The following LRRC4C variants were observed in gnomAD, a reference collection of about 807,000 sequenced individuals.
LRRC4C encodes leucine rich repeat containing 4C, also known as leucine-rich repeat-containing protein 4C.
A neutral mutation model predicts 33.6 loss-of-function variants in LRRC4C; 5 were observed. That is an observed-to-expected ratio of 0.15 (90% confidence interval 0.08 to 0.31). The LOEUF (loss-of-function observed/expected upper bound fraction) is 0.31. Ranked by LOEUF, LRRC4C falls within the 10% of genes least tolerant of loss-of-function variation. The pLI is 1.00. For missense variants in LRRC4C, 560 were observed against 796.7 expected (o/e 0.70, Z 3.58); for synonymous variants, 329 against 302.0 (o/e 1.09, Z -0.93).
At chr11:40,590,944 CT>C (rs1565537090) in intron 3 of LRRC4C, among the ~76,000 whole-genome samples, 1 of 152,134 alleles carries the variant, frequency 6.6e-6, no homozygotes, top group African/African-American at 2.4e-5. Context: ...TGTCTGTGCC[CT>C]GCCCCCAGAG....
chr11:40,219,331 C>T (rs1329812147), intron 5 of LRRC4C, among the ~76,000 whole-genome samples: 2 of 152,188 alleles, frequency 1.3e-5, no homozygotes, highest in Non-Finnish European at 2.9e-5. Context: ...CTGTTCTTGA[C>T]ACGTATACAC....
intron 1 of LRRC4C, among the ~76,000 whole-genome samples, chr11:40,957,364 A>G (rs1027549493): frequency 1.3e-5 from 2 of 151,696 alleles, no homozygotes; most frequent in South Asian, 4.2e-4. Flanking sequence ...GAGGAAGATG[A>G]GATCCAACTC....
At chr11:40,738,180 G>A (rs1378748245) in intron 2 of LRRC4C, among the ~76,000 whole-genome samples, 1 of 152,006 alleles carries the variant, frequency 6.6e-6, no homozygotes, top group African/African-American at 2.4e-5. Context: ...ACAGAAAACT[G>A]AAACTGGACC....
At chr11:41,091,105 A>G (rs1940385049) in intron 1 of LRRC4C, among the ~76,000 whole-genome samples, 1 of 152,104 alleles carries the variant, frequency 6.6e-6, no homozygotes, top group African/African-American at 2.4e-5. Context: ...CCAGAGATGT[A>G]ATACTACTAT....
intron 1 of LRRC4C, among the ~76,000 whole-genome samples, chr11:41,357,583 A>G (rs955965533): frequency 6.6e-6 from 1 of 152,068 alleles, no homozygotes; most frequent in Non-Finnish European, 1.5e-5. Flanking sequence ...TCTGTGGCCT[A>G]CTTTCCTAAC....
intron 2 of LRRC4C, among the ~76,000 whole-genome samples, chr11:40,819,188 T>G (rs1951822932): frequency 1.3e-5 from 2 of 152,060 alleles, no homozygotes; most frequent in Admixed American, 1.3e-4. Context: ...GAAGAGTTGG[T>G]AGGACATCCA....
chr11:40,673,648 T>G (rs935851330), intron 2 of LRRC4C, among the ~76,000 whole-genome samples: 2 of 152,210 alleles, frequency 1.3e-5, no homozygotes, highest in African/African-American at 4.8e-5. Flanking sequence ...AATCCCCATT[T>G]TAATGGAACG....
intron 4 of LRRC4C, among the ~76,000 whole-genome samples, chr11:40,270,914 C>T (rs72891087): frequency 0.13 from 19,330 of 152,056 alleles, 2,134 homozygotes; most frequent in African/African-American, 0.3. Flanking sequence ...ATTTGGGGAG[C>T]TCAATTTAAT....
intron 3 of LRRC4C, among the ~76,000 whole-genome samples, chr11:40,514,089 T>G (rs1467470545): frequency 6.6e-6 from 1 of 152,220 alleles, no homozygotes; most frequent in Admixed American, 6.5e-5. Context: ...TAAAGCATTC[T>G]TATCAATTTA....
chr11:40,419,249 A>G (rs1007995592), intron 3 of LRRC4C, among the ~76,000 whole-genome samples: 1 of 152,230 alleles, frequency 6.6e-6, no homozygotes. Flanking sequence ...GGATTGGTGC[A>G]GAAAAAATAT....
chr11:40,397,640 G>A (rs1157125188), intron 3 of LRRC4C, among the ~76,000 whole-genome samples: 1 of 152,102 alleles, frequency 6.6e-6, no homozygotes, highest in Non-Finnish European at 1.5e-5. Context: ...AGGACAGAGA[G>A]TTGGGAGAAA....
intron 1 of LRRC4C, among the ~76,000 whole-genome samples, chr11:41,260,753 A>G (rs1390911724): frequency 6.6e-6 from 1 of 152,058 alleles, no homozygotes; most frequent in African/African-American, 2.4e-5. Flanking sequence ...GATTGAGCAG[A>G]ATGAAAAAGT....
chr11:40,496,674 A>G (rs1172892328), intron 3 of LRRC4C, among the ~76,000 whole-genome samples: 2 of 152,130 alleles, frequency 1.3e-5, no homozygotes, highest in Non-Finnish European at 2.9e-5. Flanking sequence ...CTTCACATTC[A>G]GCGGTGACAG....
intron 4 of LRRC4C, among the ~76,000 whole-genome samples, chr11:40,250,899 T>G (rs1463736363): frequency 1.3e-5 from 2 of 152,194 alleles, no homozygotes; most frequent in East Asian, 3.9e-4. Flanking sequence ...GACAGATCTT[T>G]TCTCGCCTCA....
At chr11:41,302,639 T>C (rs964320795) in intron 1 of LRRC4C, among the ~76,000 whole-genome samples, 2 of 152,186 alleles carry the variant, frequency 1.3e-5, no homozygotes, top group Non-Finnish European at 2.9e-5. Flanking sequence ...CAGATTAAAT[T>C]TCATATTGAA....
intron 3 of LRRC4C, among the ~76,000 whole-genome samples, chr11:40,451,107 GA>G (rs948811652): frequency 4.7e-5 from 7 of 150,330 alleles, no homozygotes; most frequent in Admixed American, 3.3e-4. Flanking sequence ...ATTTAACAAT[GA>G]AAAAAAACCT....
chr11:41,237,007 C>G (rs565643436), intron 1 of LRRC4C, among the ~76,000 whole-genome samples: 6 of 152,178 alleles, frequency 3.9e-5, no homozygotes, highest in Non-Finnish European at 8.8e-5. Context: ...GAAGTGGAAA[C>G]TATATACGTT....
intron 1 of LRRC4C, among the ~76,000 whole-genome samples, chr11:41,273,678 C>T (rs1949390179): frequency 6.6e-6 from 1 of 152,104 alleles, no homozygotes; most frequent in South Asian, 2.1e-4. Flanking sequence ...TACATAGTGC[C>T]TACAGTTCGC....
chr11:41,287,061 G>T (rs914227047), intron 1 of LRRC4C, among the ~76,000 whole-genome samples: 2 of 152,118 alleles, frequency 1.3e-5, no homozygotes, highest in Non-Finnish European at 2.9e-5. Context: ...ATATTTTAAA[G>T]AATTTTCTTT....
Sources: gnomAD v4.1 joint callset for allele counts (sites outside exome capture counted in the v4.1 genomes callset) on GRCh38, gnomAD v4.1.1 for gene constraint, MANE v1.5 for transcripts, NCBI Gene and HGNC (gene_info 2026-07-23, HGNC 2026-07-21) for gene names.